The following GPR155 variants were observed in gnomAD, a reference collection of about 807,000 sequenced individuals.
The protein encoded by GPR155 is lysosomal cholesterol signaling protein.
In GPR155, 65 loss-of-function variants were observed where a neutral mutation model predicts 93.1. The observed-to-expected ratio is 0.70, with a 90% CI of 0.57 to 0.86. GPR155 has a LOEUF of 0.86. Among genes scored for constraint, GPR155 ranks in the 40% least tolerant of loss-of-function variants. The pLI is 0.00. For missense variants in GPR155, 838 were observed against 1,034.8 expected (o/e 0.81, Z 2.61); for synonymous variants, 319 against 360.1 (o/e 0.89, Z 1.29).
At chr2:174,483,129 A>G (rs904767655) in intron 1 of GPR155, 3 of 152,176 alleles carry the variant, frequency 2.0e-5, no homozygotes, top group South Asian at 2.1e-4. Flanking sequence ...TTTTTGCTCA[A>G]TGTTGTGTCC....
rs1208593248 is a variant in GPR155, at chr2:174,433,165, AAAGTAT to A, written c.*2945_*2950del. ...AATAACTTTTTTACATGAGACACTT[AAAGTAT>A]AATTAAATAAATATCTGAAACGTTT... On this transcript the variant is annotated 3_prime_UTR_variant, in exon 16 of 16. Transcript: ENST00000392552. The A allele has an allele frequency of 6.6e-6, 1 of 152,200 alleles. No homozygotes were observed. The highest frequency in any genetic ancestry group is 1.5e-5 in the Non-Finnish European group (1 of 68,034). 9.4% of individuals were successfully genotyped at this position (152,200 alleles called of 1,614,324 possible).
At position 174,446,649 on chromosome 2, in the gene GPR155, CAT is replaced by C; in HGVS notation, c.1973_1974del (p.His658ArgfsTer14). The C allele has an allele frequency of 6.2e-7, 1 of 1,613,938 alleles. No individual in the cohort carries two copies. Among genetic ancestry groups the C allele is most frequent in the Non-Finnish European group, 8.5e-7 (1 of 1,179,824 alleles). On this transcript the variant is annotated frameshift_variant, in exon 12 of 16. Coordinates refer to ENST00000392552, the MANE Select transcript of GPR155 (RefSeq NM_152529.7). LOFTEE classifies it high-confidence loss of function. ...ATGATGAGAAGTAAACACAGCAACA[CAT>C]GTCGGGTCAGTTGCTGGTCTCCACT... The part of the protein sequence containing the change: ...LQSGDQQLTR[H>X]VLLCLLLIIG...
chr2:174,455,976 G>A (rs1277606686), intron 10 of GPR155, among the ~76,000 whole-genome samples: 1 of 152,002 alleles, frequency 6.6e-6, no homozygotes, highest in Non-Finnish European at 1.5e-5. Flanking sequence ...GAGTAGCTGG[G>A]TCTACAGGCG....
chr2:174,460,068 G>A lies in GPR155; in HGVS notation c.1581C>T (p.Thr527=), dbSNP rs1268092973. 3.1e-6 allele frequency: 5 copies of A among 1,613,508 alleles called. No homozygotes were observed. Among genetic ancestry groups the A allele is most frequent in the African/African-American group, 1.3e-5 (1 of 74,774 alleles). Residue 527 remains threonine (T), a synonymous_variant, in exon 10 of 16, where the codon ACC becomes ACT. Transcript: ENST00000392552. ...CAGCTATCAGGATGCTGCAGAACAGGGTGACTGCTGTGGTGATCATCTGCC... is the reference window on the plus strand; with the variant it reads ...CAGCTATCAGGATGCTGCAGAACAGAGTGACTGCTGTGGTGATCATCTGCC... The part of the protein sequence containing the change: ...GKEQMITTAV[T]LFCSILIAGI...
In GPR155 at chr2:174,442,015, T is replaced by C. The variant is rs537303300; in HGVS notation, c.2174+104A>G. 10 of 719,146 alleles carry C rather than the reference T, an allele frequency of 1.4e-5. No individual in the cohort carries two copies. In the Admixed American group the frequency reaches 2.1e-4, roughly 15 times the overall value. 44.5% of individuals were successfully genotyped at this position (719,146 alleles called of 1,614,324 possible). A position where few individuals can be genotyped will look rare whatever the true frequency, so the allele number is the denominator to read the frequency against. On this transcript the variant is annotated intron_variant, in intron 14 of 15. Transcript: ENST00000392552. ...TGCCCACCCTGGCCTCCCAAAGTAC[T>C]GGGATTACAAGTAGCCACCATGCAT...
intron 15 of GPR155, among the ~76,000 whole-genome samples, chr2:174,437,223 T>C (rs1686811413): frequency 6.6e-6 from 1 of 152,116 alleles, no homozygotes; most frequent in Non-Finnish European, 1.5e-5. Flanking sequence ...ATAGACAACA[T>C]GAATCTGTCC....
In GPR155 at chr2:174,468,971, A is replaced by G. The variant is rs748108854; in HGVS notation, c.1123T>C (p.Leu375=). 7 of 1,614,086 alleles carry G rather than the reference A, an allele frequency of 4.3e-6. No homozygotes were observed. In the East Asian group the frequency reaches 8.9e-5, roughly 21 times the overall value. The change falls in exon 5 of 16, where the codon TTG becomes CTG. Residue 375 remains leucine, a synonymous_variant. Coordinates refer to ENST00000392552, the MANE Select transcript of GPR155 (RefSeq NM_152529.7). ...CTAACATTCTGGATGGCATATGCCAATGGCTTAGGGTCCATAGTGGGAAAG... is the reference window on the plus strand; with the variant it reads ...CTAACATTCTGGATGGCATATGCCAGTGGCTTAGGGTCCATAGTGGGAAAG... ...LTFPTMDPKP[L]AYAIQNVSFD...
intron 1 of GPR155, among the ~76,000 whole-genome samples, chr2:174,482,461 G>A (rs1688353800): frequency 6.6e-6 from 1 of 152,184 alleles, no homozygotes; most frequent in Admixed American, 6.5e-5. Flanking sequence ...GAGTCACCCA[G>A]GGACCAGAGT....
intron 13 of GPR155, among the ~76,000 whole-genome samples, chr2:174,444,566 C>T (rs1053838103): frequency 8.2e-5 from 12 of 145,982 alleles, no homozygotes; most frequent in South Asian, 4.3e-4. Context: ...AGTCTCAGCT[C>T]GCTGCAACCT....
At position 174,469,087 on chromosome 2, in the gene GPR155, CAGA is replaced by C. The variant is rs1559114006; in HGVS notation, c.1027-23_1027-21del. On this transcript the variant is annotated intron_variant, in intron 4 of 15. Coordinates refer to ENST00000392552, the MANE Select transcript of GPR155 (RefSeq NM_152529.7). ...GGTTATCTGCAAAAATGAAATCAAA[CAGA>C]GGAGTTACAATCTCAATTAAACAGT... The C allele has an allele frequency of 6.2e-7, 1 of 1,610,000 alleles. No homozygotes were observed. Among genetic ancestry groups the C allele is most frequent in the Non-Finnish European group, 8.5e-7 (1 of 1,176,552 alleles).
chr2:174,459,742 G>A (rs116102396), intron 10 of GPR155, 136 bp downstream of exon 10: 7,029 of 615,530 alleles, frequency 0.011, 58 homozygotes, highest in Non-Finnish European at 0.017. Flanking sequence ...CTACTCTGGA[G>A]GCTCAGGTGG....
In GPR155 at chr2:174,456,959, C is replaced by T. The variant is rs533091115; in HGVS notation, c.1771+2919G>A. 2.8e-3 allele frequency among the ~76,000 whole-genome samples: 427 copies of T among 152,240 alleles called. 4 individuals are homozygous for T. Among genetic ancestry groups the T allele is most frequent in the African/African-American group, 1.0e-2 (414 of 41,534 alleles). On this transcript the variant is annotated intron_variant, in intron 10 of 15. Transcript: ENST00000392552. ...TAATAGTGGTTACTTCTGGAGTTAA[C>T]AGGAATGAAAGATTCTAACAAACAT... is the stretch of plus-strand genomic sequence containing the variant.
At chr2:174,444,981 G>C in intron 13 of GPR155, 100 bp downstream of exon 13, 1 of 645,052 alleles carries the variant, frequency 1.6e-6, no homozygotes, top group South Asian at 1.8e-5. Flanking sequence ...TTATGTGAAA[G>C]AAAACAACAT....
intron 2 of GPR155, among the ~76,000 whole-genome samples, chr2:174,475,928 T>C: frequency 6.6e-6 from 1 of 152,226 alleles, no homozygotes. Context: ...TACAGTTCTG[T>C]GATCTACTCA....
chr2:174,452,032 C>G (rs539856638), intron 11 of GPR155, among the ~76,000 whole-genome samples: 3 of 152,082 alleles, frequency 2.0e-5, no homozygotes, highest in Non-Finnish European at 4.4e-5. Context: ...TTTGCCAAAT[C>G]AGATTACATG....
chr2:174,468,863 C>G, intron 5 of GPR155, 49 bp downstream of exon 5: 1 of 1,519,876 alleles, frequency 6.6e-7, no homozygotes, highest in Non-Finnish European at 9.1e-7. Flanking sequence ...AGTCTATTCT[C>G]AAAACTCATT....
rs1207047527 is a variant in GPR155 at position 174,448,527 on chromosome 2, TTTG to T, written c.1877-1783_1877-1781del. On this transcript the variant is annotated intron_variant, in intron 11 of 15. Transcript: ENST00000392552. ...CTGGGAAGTTTTTTGTTTTTTGTTTTTTGTTTTTTTTTTTTTTTTTTGAGACGG... is the reference window on the plus strand; with the variant it reads ...CTGGGAAGTTTTTTGTTTTTTGTTTTTTTTTTTTTTTTTTTTTTGAGACGG... Among the ~76,000 whole-genome samples the T allele has an allele frequency of 3.6e-3, 322 of 90,136 alleles. 11 individuals are homozygous for T. Among genetic ancestry groups the T allele is most frequent in the African/African-American group, 0.01 (266 of 25,788 alleles). 59.1% of individuals were successfully genotyped at this position (90,136 alleles called of 152,430 possible).
At chr2:174,464,405 T>C (rs745705291) in intron 7 of GPR155, among the ~76,000 whole-genome samples, 1 of 152,128 alleles carries the variant, frequency 6.6e-6, no homozygotes, top group Non-Finnish European at 1.5e-5. Context: ...TATGCAGATA[T>C]GGCAAAAATT....
chr2:174,446,995 A>G (rs556076147), intron 11 of GPR155, among the ~76,000 whole-genome samples: 52 of 152,288 alleles, frequency 3.4e-4, no homozygotes, highest in African/African-American at 1.2e-3. Context: ...ACAATGTTTT[A>G]TATATATAAT....
Sources: gnomAD v4.1 joint callset for allele counts (sites outside exome capture counted in the v4.1 genomes callset) on GRCh38, gnomAD v4.1.1 for gene constraint, MANE v1.5 for transcripts, NCBI Gene and HGNC (gene_info 2026-07-23, HGNC 2026-07-21) for gene names.